CNOT10: variants seen among roughly 807,000 people sequenced by gnomAD.
CNOT10 encodes CCR4-NOT transcription complex, subunit 10.
Under a neutral mutation model 94.6 loss-of-function variants are expected in CNOT10, and 30 were observed. The ratio of observed to expected loss-of-function variants is 0.32; its 90% CI spans 0.24 to 0.43. The LOEUF (loss-of-function observed/expected upper bound fraction) is 0.43. Among genes scored for constraint, CNOT10 ranks in the 20% least tolerant of loss-of-function variants. The probability of loss-of-function intolerance (pLI) is 1.00; values close to 1 mark genes in which losing one functional copy is unlikely to be tolerated. For synonymous variants in CNOT10, 289 were observed against 301.6 expected, an observed-to-expected ratio of 0.96 and a Z score of 0.43; for missense variants, 759 against 877.2, an observed-to-expected ratio of 0.87 and a Z score of 1.70.
At chr3:32,697,977 A>G (rs1697157533) in intron 1 of CNOT10, among the ~76,000 whole-genome samples, 1 of 152,188 alleles carries the variant, frequency 6.6e-6, no homozygotes, top group East Asian at 1.9e-4. Flanking sequence ...TGGATTGAGG[A>G]TCCTGTTTCA....
At chr3:32,724,367 T>A (rs1698562179) in intron 8 of CNOT10, among the ~76,000 whole-genome samples, 1 of 145,856 alleles carries the variant, frequency 6.9e-6, no homozygotes, top group South Asian at 2.3e-4. Flanking sequence ...TACCTCAGCC[T>A]CCCGAGTAAC....
chr3:32,773,425 G>A, intron 18 of CNOT10, 32 bp from the exon 19 acceptor site: 2 of 1,597,292 alleles, frequency 1.3e-6, no homozygotes, highest in African/African-American at 2.7e-5. Context: ...ATTGTTCTGT[G>A]CTTTGTTTTT....
intron 6 of CNOT10, 122 bp downstream of exon 6, chr3:32,716,433 CT>C (rs1698123932): frequency 1.9e-6 from 1 of 514,754 alleles, no homozygotes; most frequent in East Asian, 3.2e-5. Flanking sequence ...ATTTGTTTGT[CT>C]TTTGAAGTAT....
At chr3:32,745,748 C>T (rs1325613787) in intron 13 of CNOT10, among the ~76,000 whole-genome samples, 3 of 152,172 alleles carry the variant, frequency 2.0e-5, no homozygotes, top group African/African-American at 4.8e-5. Flanking sequence ...CCTGTAATCC[C>T]GACGCTTTGG....
intron 1 of CNOT10, among the ~76,000 whole-genome samples, chr3:32,686,626 A>G (rs548784989): frequency 2.3e-4 from 35 of 152,328 alleles, no homozygotes; most frequent in Admixed American, 2.3e-3. Context: ...AAGTGAGGGA[A>G]TGAGCCATAA....
intron 1 of CNOT10, among the ~76,000 whole-genome samples, chr3:32,687,464 T>TG (rs1559471810): frequency 1.5e-5 from 1 of 67,980 alleles, no homozygotes; most frequent in Admixed American, 1.6e-4. Context: ...TTTTTTTTTT[T>TG]TTTTTGAGAC....
At chr3:32,701,591 T>C (rs1697350903) in intron 1 of CNOT10, among the ~76,000 whole-genome samples, 1 of 152,078 alleles carries the variant, frequency 6.6e-6, no homozygotes, top group Non-Finnish European at 1.5e-5. Context: ...TCTCACTAGA[T>C]GTCGTTATTT....
intron 1 of CNOT10, among the ~76,000 whole-genome samples, chr3:32,698,217 G>A (rs1697168921): frequency 6.6e-6 from 1 of 152,124 alleles, no homozygotes; most frequent in Admixed American, 6.6e-5. Flanking sequence ...TTAACTCTTA[G>A]CTTTTCCTCC....
At chr3:32,748,911 C>G (rs1449990008) in intron 13 of CNOT10, among the ~76,000 whole-genome samples, 2 of 150,706 alleles carry the variant, frequency 1.3e-5, no homozygotes, top group Non-Finnish European at 3.0e-5. Context: ...GCTCACCCAC[C>G]TCCGGGTTCA....
intron 13 of CNOT10, among the ~76,000 whole-genome samples, chr3:32,748,945 C>T (rs938674169): frequency 2.0e-5 from 3 of 152,132 alleles, no homozygotes; most frequent in Non-Finnish European, 4.4e-5. Context: ...TCTCAGCCTC[C>T]CGAGTAGCTG....
intron 5 of CNOT10, 43 bp downstream of exon 5, chr3:32,713,412 T>G (rs538346114): frequency 6.9e-7 from 1 of 1,449,836 alleles, no homozygotes; most frequent in South Asian, 1.3e-5. Flanking sequence ...AAAATGTGAT[T>G]AATTCTCTCT....
At chr3:32,768,753 G>C (rs1700766423) in intron 17 of CNOT10, among the ~76,000 whole-genome samples, 1 of 152,192 alleles carries the variant, frequency 6.6e-6, no homozygotes, top group African/African-American at 2.4e-5. Flanking sequence ...GAACTTCTTA[G>C]AAGCACATGC....
At chr3:32,699,090 A>C (rs932411489) in intron 1 of CNOT10, among the ~76,000 whole-genome samples, 1 of 152,192 alleles carries the variant, frequency 6.6e-6, no homozygotes, top group African/African-American at 2.4e-5. Flanking sequence ...CTGGCCAACA[A>C]CTGGTTCTTT....
chr3:32,722,698 G>T (rs982834762), intron 8 of CNOT10, among the ~76,000 whole-genome samples: 3 of 152,030 alleles, frequency 2.0e-5, no homozygotes, highest in African/African-American at 7.2e-5. Context: ...AAATAAAGAT[G>T]GCCAGGCGTG....
At chr3:32,772,686 G>T (rs1460935844) in intron 18 of CNOT10, among the ~76,000 whole-genome samples, 1 of 152,024 alleles carries the variant, frequency 6.6e-6, no homozygotes, top group Non-Finnish European at 1.5e-5. Flanking sequence ...CACAGAACAA[G>T]ACTCTGTCTC....
intron 9 of CNOT10, among the ~76,000 whole-genome samples, chr3:32,726,623 G>A (rs1698677693): frequency 2.0e-5 from 3 of 151,278 alleles, no homozygotes; most frequent in Admixed American, 2.0e-4. Context: ...GTGTACCCAG[G>A]AGGCGGAGCT....
At chr3:32,764,934 A>G in intron 17 of CNOT10, 125 bp downstream of exon 17, 1 of 1,505,172 alleles carries the variant, frequency 6.6e-7, no homozygotes, top group Non-Finnish European at 8.9e-7. Flanking sequence ...TCACTTTCCC[A>G]GATATAAAAA....
Position 32,725,434 on chromosome 3 carries a change from T to G in CNOT10, c.863-16T>G. The G allele has an allele frequency of 6.2e-7, 1 of 1,611,832 alleles. No individual in the cohort carries two copies. The highest frequency in any genetic ancestry group is 8.5e-7 in the Non-Finnish European group (1 of 1,178,408). On this transcript the variant is annotated splice_polypyrimidine_tract_variant and intron_variant, in intron 8 of 18. Coordinates refer to ENST00000328834, the MANE Select transcript of CNOT10 (RefSeq NM_015442.3). ...TAAAATTTTTCTGTGGACAAATTTA[T>G]TTGCATTTTTTTCAGGTGAATGCTT...
chr3:32,711,564 G>A (rs1037158504), intron 4 of CNOT10, among the ~76,000 whole-genome samples: 5 of 152,162 alleles, frequency 3.3e-5, no homozygotes, highest in Non-Finnish European at 7.3e-5. Flanking sequence ...AAAATTGAGT[G>A]AGAATGTAGA....
Sources: allele counts gnomAD v4.1 joint callset (sites outside exome capture counted in the v4.1 genomes callset), GRCh38; gene constraint gnomAD v4.1.1; transcripts MANE v1.5; gene names NCBI Gene and HGNC (gene_info 2026-07-23, HGNC 2026-07-21).